Variants in CENPF observed in about 807,000 individuals in gnomAD.
CENPF encodes the protein AH antigen.
Under a neutral mutation model 307.3 loss-of-function variants are expected in CENPF, and 214 were observed. The observed-to-expected ratio is 0.70, with a 90% confidence interval of 0.62 to 0.78. The LOEUF (loss-of-function observed/expected upper bound fraction) is 0.78. CENPF is among the 30% of genes least tolerant of loss of function. The pLI is 0.00. For synonymous variants in CENPF, 1,259 were observed against 1,270.6 expected (o/e 0.99, Z 0.19); for missense variants, 3,401 against 3,483.9 (o/e 0.98, Z 0.60).
chr1:214,605,886 A>T, intron 1 of CENPF: 9 of 1,597,256 alleles, frequency 5.6e-6, no homozygotes, highest in Non-Finnish European at 6.8e-6. Context: ...GTGATCTTGG[A>T]CACCTTCTCG....
At position 214,652,827 on chromosome 1, in the gene CENPF, G is replaced by A; in HGVS notation, c.8161-1G>A. ...GGTTTTTTTTGTTTGTTTTGCTCTA[G>A]TATGAAGTAGAAATCCAGACATACC... On this transcript the variant is annotated splice_acceptor_variant, in intron 15 of 19. Transcript: ENST00000366955. LOFTEE classifies it high-confidence loss of function. 1 of 1,575,444 alleles carries A rather than the reference G, an allele frequency of 6.3e-7. No homozygotes were observed. The highest frequency in any genetic ancestry group is 8.6e-7 in the Non-Finnish European group (1 of 1,167,974).
chr1:214,638,059 G>A (rs1658011049), intron 11 of CENPF, 58 bp downstream of exon 11: 5 of 1,488,700 alleles, frequency 3.4e-6, no homozygotes, highest in Non-Finnish European at 4.5e-6. Context: ...CGTGAGAGGG[G>A]ATGGATGGCA....
At position 214,664,547 on chromosome 1, in the gene CENPF, A is replaced by G. The variant is rs571617430; in HGVS notation, c.*753A>G. 3.3e-5 allele frequency: 5 copies of G among 152,302 alleles called. No homozygotes were observed. In the East Asian group the frequency reaches 7.7e-4, roughly 23 times the overall value. 9.4% of individuals were successfully genotyped at this position (152,302 alleles called of 1,614,324 possible). On this transcript the variant is annotated 3_prime_UTR_variant, in exon 20 of 20. Coordinates refer to ENST00000366955, the MANE Select transcript of CENPF (RefSeq NM_016343.4). The stretch of plus-strand genomic sequence containing the variant: ...AACATATAGCCTTTGTTTTCTAATA[A>G]AATAGTCGCCTTCGTTTTCTGTAAG...
At chr1:214,620,055 C>T (rs1657463235) in intron 5 of CENPF, among the ~76,000 whole-genome samples, 1 of 151,380 alleles carries the variant, frequency 6.6e-6, no homozygotes. Flanking sequence ...AAAAAAAGTG[C>T]TTGCTGTAAA....
Position 214,620,714 on chromosome 1 carries a change from GGCTTCA to G in CENPF, c.634_639del (p.Ala212_Ser213del). On this transcript the variant is annotated inframe_deletion, in exon 6 of 20. Transcript: ENST00000366955. ...ATCACCGCGACATTGCCCGGCATCA[GGCTTCA>G]TCATCTGTGTTCTCATGGCAGCAAG... 1 of 1,614,144 alleles carries G rather than the reference GGCTTCA, an allele frequency of 6.2e-7. No individual in the cohort carries two copies. Among genetic ancestry groups the G allele is most frequent in the Non-Finnish European group, 8.5e-7 (1 of 1,180,024 alleles).
intron 7 of CENPF, among the ~76,000 whole-genome samples, chr1:214,623,211 A>G (rs1339483490): frequency 6.6e-6 from 1 of 152,242 alleles, no homozygotes; most frequent in Non-Finnish European, 1.5e-5. Context: ...ATTCTGTCTC[A>G]AAGAATGGCT....
intron 8 of CENPF, 149 bp from the exon 9 acceptor site, chr1:214,630,385 C>A: frequency 1.1e-6 from 1 of 915,766 alleles, no homozygotes; most frequent in Non-Finnish European, 1.7e-6. Context: ...CCAAGGCTGA[C>A]TATGTTCATC....
In CENPF at chr1:214,645,482, C is replaced by CA. The variant is rs757531591; in HGVS notation, c.5920dup (p.Thr1974AsnfsTer9). Reference sequence around the variant, plus strand: ...CTTCGTGGAGAATTAGATACTATGTCAAAAAAAACCACGGCACTGGATCAG... The same window carrying CA: ...CTTCGTGGAGAATTAGATACTATGTCAAAAAAAAACCACGGCACTGGATCAG... On this transcript the variant is annotated frameshift_variant, in exon 13 of 20. Coordinates refer to ENST00000366955, the MANE Select transcript of CENPF (RefSeq NM_016343.4). LOFTEE classifies it high-confidence loss of function. The CA allele has an allele frequency of 4.1e-5, 66 of 1,611,456 alleles. No individual in the cohort carries two copies. The highest frequency in any genetic ancestry group is 1.2e-4 in the South Asian group (11 of 90,746).
chr1:214,620,929 T>A lies in CENPF; in HGVS notation c.848T>A (p.Leu283Ter). 1 of 1,608,208 alleles carries A rather than the reference T, an allele frequency of 6.2e-7. No individual in the cohort carries two copies. Among genetic ancestry groups the A allele is most frequent in the South Asian group, 1.1e-5 (1 of 89,930 alleles). ...NSSSPHLLDQ[L>*]KAQNQELRNK... ...AGCAGTCCTCATCTTTTGGATCAAT[T>A]AAAAGCGCAGAATCAAGGTAACATT... is the stretch of plus-strand genomic sequence containing the variant. The change falls in exon 6 of 20, where the codon TTA becomes TAA. Residue 283 changes from leucine (L) to a stop codon, truncating the protein, a stop_gained. Transcript: ENST00000366955. LOFTEE classifies it high-confidence loss of function.
chr1:214,610,077 C>T (rs538245136), intron 1 of CENPF, among the ~76,000 whole-genome samples: 4 of 147,470 alleles, frequency 2.7e-5, no homozygotes, highest in South Asian at 2.1e-4. Context: ...AGGCTGGTCT[C>T]GAACTCCTGA....
chr1:214,631,605 T>C (rs1236966772), intron 9 of CENPF, among the ~76,000 whole-genome samples: 2 of 152,196 alleles, frequency 1.3e-5, no homozygotes, highest in Non-Finnish European at 2.9e-5. Flanking sequence ...GTTTGAGTGA[T>C]TCTCCTGCCT....
Position 214,625,586 on chromosome 1 carries a change from G to C in CENPF, c.1068+3305G>C, listed in dbSNP as rs116272430. Among the ~76,000 whole-genome samples the C allele has an allele frequency of 3.6e-3, 549 of 152,100 alleles. 2 individuals are homozygous for C. The highest frequency in any genetic ancestry group is 0.013 in the African/African-American group (537 of 41,486). ...TACTTAATGTGATTATTGATATATT[G>C]TGACCTAAGTCTGCCATTTTATTTT... On this transcript the variant is annotated intron_variant, in intron 7 of 19. Transcript: ENST00000366955.
Position 214,652,814 on chromosome 1 carries a change from T to A in CENPF, c.8161-14T>A, listed in dbSNP as rs772073648. Reference sequence around the variant, plus strand: ...AAAGTAACATTTTGGTTTTTTTTGTTTGTTTTGCTCTAGTATGAAGTAGAA... The same window carrying A: ...AAAGTAACATTTTGGTTTTTTTTGTATGTTTTGCTCTAGTATGAAGTAGAA... On this transcript the variant is annotated splice_polypyrimidine_tract_variant and intron_variant, in intron 15 of 19. Coordinates refer to ENST00000366955, the MANE Select transcript of CENPF (RefSeq NM_016343.4). 1 of 1,545,060 alleles carries A rather than the reference T, an allele frequency of 6.5e-7. No homozygotes were observed. The highest frequency in any genetic ancestry group is 1.2e-5 in the South Asian group (1 of 81,230).
At chr1:214,608,233 C>G (rs1657092832) in intron 1 of CENPF, 1 of 1,409,444 alleles carries the variant, frequency 7.1e-7, no homozygotes, top group African/African-American at 1.4e-5. Flanking sequence ...ACCTTCCTCC[C>G]AGGGAAGCCC....
At chr1:214,620,141 G>A (rs775650123) in intron 5 of CENPF, among the ~76,000 whole-genome samples, 8 of 152,162 alleles carry the variant, frequency 5.3e-5, no homozygotes, top group Non-Finnish European at 7.3e-5. Context: ...AAAGAACAAT[G>A]CAAAGCGGTA....
intron 16 of CENPF, 139 bp downstream of exon 16, chr1:214,653,128 T>C (rs781337797): frequency 6.4e-6 from 5 of 779,978 alleles, no homozygotes; most frequent in Admixed American, 1.9e-5. Context: ...TCATCAGTTC[T>C]CTGCTGAGTT....
intron 14 of CENPF, among the ~76,000 whole-genome samples, chr1:214,650,659 T>C (rs1405425292): frequency 6.6e-6 from 1 of 152,174 alleles, no homozygotes; most frequent in East Asian, 1.9e-4. Flanking sequence ...CCCAGCATTT[T>C]GGGAGGCCGA....
intron 6 of CENPF, 23 bp from the exon 7 acceptor site, chr1:214,622,056 G>A (rs752717649): frequency 2.5e-6 from 4 of 1,579,800 alleles, no homozygotes; most frequent in Middle Eastern, 1.7e-4. Flanking sequence ...GAATTGGAGT[G>A]TGATTTTTGT....
chr1:214,635,846 C>T (rs1474816797), intron 10 of CENPF, among the ~76,000 whole-genome samples: 1 of 152,114 alleles, frequency 6.6e-6, no homozygotes. Flanking sequence ...AACACATAAA[C>T]ATAAAATTCC....
Sources: allele counts gnomAD v4.1 joint callset (sites outside exome capture counted in the v4.1 genomes callset), GRCh38; gene constraint gnomAD v4.1.1; transcripts MANE v1.5; gene names NCBI Gene and HGNC (gene_info 2026-07-23, HGNC 2026-07-21).